The following SEMA5A variants were observed in gnomAD, a reference collection of about 807,000 sequenced individuals.
The protein encoded by SEMA5A is semaphorin-5A.
SEMA5A carries 55 observed loss-of-function variants against 135.5 expected under a neutral mutation model. That is an observed-to-expected ratio of 0.41 (90% CI 0.33 to 0.51). The LOEUF is 0.51. Ranked by LOEUF, SEMA5A falls within the 20% of genes least tolerant of loss-of-function variation. The pLI is 0.37. For synonymous variants in SEMA5A, 580 were observed against 546.5 expected (o/e 1.06, Z -0.85); for missense variants, 1,290 against 1,419.9 (o/e 0.91, Z 1.47).
At chr5:9,410,310 T>C (rs1230149227) in intron 2 of SEMA5A, among the ~76,000 whole-genome samples, 1 of 152,200 alleles carries the variant, frequency 6.6e-6, no homozygotes, top group African/African-American at 2.4e-5. Context: ...GACTAATAAA[T>C]TGTCATTCTC....
intron 4 of SEMA5A, among the ~76,000 whole-genome samples, chr5:9,328,542 G>C (rs559370231): frequency 6.6e-6 from 1 of 152,162 alleles, no homozygotes; most frequent in Non-Finnish European, 1.5e-5. Context: ...ACTTTGAGAG[G>C]CCAAGGTGGG....
intron 1 of SEMA5A, among the ~76,000 whole-genome samples, chr5:9,528,302 C>T (rs1021678531): frequency 2.0e-5 from 3 of 152,168 alleles, no homozygotes; most frequent in African/African-American, 7.2e-5. Context: ...CCAAGAAGTC[C>T]TAGGGCAGCC....
At chr5:9,384,575 G>GATAGATAC (rs1561207565) in intron 2 of SEMA5A, among the ~76,000 whole-genome samples, 21 of 38,324 alleles carry the variant, frequency 5.5e-4, no homozygotes, top group East Asian at 2.2e-3. Flanking sequence ...TAGATACATA[G>GATAGATAC]ATAGATAGAT....
intron 18 of SEMA5A, among the ~76,000 whole-genome samples, chr5:9,055,874 A>C (rs1736861730): frequency 2.6e-5 from 1 of 38,176 alleles, no homozygotes; most frequent in Non-Finnish European, 5.1e-5. Flanking sequence ...TAGAACTTTA[A>C]AAATTAAAAA....
intron 12 of SEMA5A, among the ~76,000 whole-genome samples, chr5:9,154,060 A>T (rs867478306): frequency 7.1e-3 from 352 of 49,848 alleles, no homozygotes; most frequent in Non-Finnish European, 0.015. Flanking sequence ...AAAAAAAAAA[A>T]AAATATATAT....
chr5:9,241,042 TA>T (rs2150461455), intron 5 of SEMA5A, among the ~76,000 whole-genome samples: 1 of 152,252 alleles, frequency 6.6e-6, no homozygotes, highest in Non-Finnish European at 1.5e-5. Flanking sequence ...TACTCTAGGC[TA>T]TTCAATATTT....
chr5:9,396,573 T>G (rs1756411748), intron 2 of SEMA5A, among the ~76,000 whole-genome samples: 1 of 152,126 alleles, frequency 6.6e-6, no homozygotes, highest in Non-Finnish European at 1.5e-5. Flanking sequence ...TCACCCAATG[T>G]GCTAATGTTC....
chr5:9,443,222 A>G (rs1243122419), intron 1 of SEMA5A, among the ~76,000 whole-genome samples: 1 of 152,180 alleles, frequency 6.6e-6, no homozygotes, highest in Non-Finnish European at 1.5e-5. Flanking sequence ...CCCTTGAAAG[A>G]ATGGCAATCT....
intron 12 of SEMA5A, among the ~76,000 whole-genome samples, chr5:9,147,414 G>C (rs1178803581): frequency 6.6e-6 from 1 of 151,922 alleles, no homozygotes; most frequent in Non-Finnish European, 1.5e-5. Context: ...TGGTTTTACA[G>C]GCTTGTGCCA....
chr5:9,530,551 T>A (rs1306033359), intron 1 of SEMA5A, among the ~76,000 whole-genome samples: 1 of 152,162 alleles, frequency 6.6e-6, no homozygotes, highest in Non-Finnish European at 1.5e-5. Flanking sequence ...CAGGTTTACA[T>A]AAAAGGACAA....
intron 1 of SEMA5A, among the ~76,000 whole-genome samples, chr5:9,473,086 T>C (rs1322319580): frequency 6.8e-6 from 1 of 146,802 alleles, no homozygotes; most frequent in Non-Finnish European, 1.5e-5. Context: ...TTTACATATG[T>C]ACCCTAAAAC....
chr5:9,537,188 C>T (rs1381985269), intron 1 of SEMA5A, among the ~76,000 whole-genome samples: 1 of 152,160 alleles, frequency 6.6e-6, no homozygotes, highest in African/African-American at 2.4e-5. Flanking sequence ...TTATGATCAA[C>T]TGAAGCTACC....
At chr5:9,290,905 T>C (rs1174318991) in intron 5 of SEMA5A, among the ~76,000 whole-genome samples, 2 of 152,198 alleles carry the variant, frequency 1.3e-5, no homozygotes, top group Non-Finnish European at 2.9e-5. Context: ...TTACTGGAAC[T>C]TGTAAGTCAA....
At chr5:9,356,635 G>T (rs1754461304) in intron 3 of SEMA5A, among the ~76,000 whole-genome samples, 1 of 152,186 alleles carries the variant, frequency 6.6e-6, no homozygotes, top group Non-Finnish European at 1.5e-5. Flanking sequence ...TGTGCAGCAG[G>T]ATGGCATTAG....
intron 2 of SEMA5A, among the ~76,000 whole-genome samples, chr5:9,406,161 C>T (rs1418291237): frequency 2.6e-5 from 4 of 152,146 alleles, no homozygotes; most frequent in African/African-American, 7.2e-5. Context: ...CAGAGGACTC[C>T]GCATGCACAA....
intron 11 of SEMA5A, among the ~76,000 whole-genome samples, chr5:9,181,138 C>T (rs1744486657): frequency 6.6e-6 from 1 of 152,038 alleles, no homozygotes; most frequent in African/African-American, 2.4e-5. Context: ...CCGCTTTTTT[C>T]CCTGAGGTTA....
intron 1 of SEMA5A, among the ~76,000 whole-genome samples, chr5:9,440,085 C>A (rs1246060449): frequency 6.6e-6 from 1 of 152,242 alleles, no homozygotes; most frequent in Non-Finnish European, 1.5e-5. Flanking sequence ...ACCAACACAC[C>A]CATGTGTGCC....
At chr5:9,528,808 G>T in intron 1 of SEMA5A, among the ~76,000 whole-genome samples, 1 of 152,192 alleles carries the variant, frequency 6.6e-6, no homozygotes, top group South Asian at 2.1e-4. Context: ...CAGAACAAAT[G>T]AGTTTACCTA....
intron 5 of SEMA5A, among the ~76,000 whole-genome samples, chr5:9,305,714 A>ATATATATATACATATATATATATATG (rs1561128561): frequency 8.3e-6 from 1 of 119,996 alleles, no homozygotes; most frequent in African/African-American, 3.5e-5. Flanking sequence ...GTGCGTATAT[A>ATATATATATACATATATATATATATG]TATATATATA....
Sources: gnomAD v4.1 joint callset for allele counts (sites outside exome capture counted in the v4.1 genomes callset) on GRCh38, gnomAD v4.1.1 for gene constraint, MANE v1.5 for transcripts, NCBI Gene and HGNC (gene_info 2026-07-23, HGNC 2026-07-21) for gene names.